The following KIAA1191 variants were observed in gnomAD, a reference collection of about 807,000 sequenced individuals.
KIAA1191 encodes KIAA1191, also known as putative monooxygenase p33MONOX.
KIAA1191 carries 22 observed loss-of-function variants against 31.1 expected under a neutral mutation model. That is an observed-to-expected ratio of 0.71 (90% CI 0.51 to 1.01). The LOEUF is 1.01. KIAA1191 is among the 50% of genes least tolerant of loss of function. The probability of loss-of-function intolerance (pLI) is 0.00; values close to 1 mark genes in which losing one functional copy is unlikely to be tolerated. For missense variants in KIAA1191, 319 were observed against 388.0 expected, an observed-to-expected ratio of 0.82 and a Z score of 1.49; for synonymous variants, 130 against 143.9, an observed-to-expected ratio of 0.90 and a Z score of 0.69.
At chr5:176,353,025 G>A (rs376826202) in intron 4 of KIAA1191, among the ~76,000 whole-genome samples, 29 of 152,290 alleles carry the variant, frequency 1.9e-4, no homozygotes, top group African/African-American at 5.8e-4. Flanking sequence ...ATGATCTTCC[G>A]ATATACTATA....
At chr5:176,357,434 TCAAA>T (rs1372357513) in intron 3 of KIAA1191, among the ~76,000 whole-genome samples, 3 of 152,216 alleles carry the variant, frequency 2.0e-5, no homozygotes, top group African/African-American at 4.8e-5. Context: ...GCATTACATC[TCAAA>T]CACACACACA....
In KIAA1191 at chr5:176,352,686, A is replaced by G. The variant is rs917258250; in HGVS notation, c.270T>C (p.Ser90=). ...CCTTCACCACTGGGACCTTGTCCAC[A>G]CTGTCAATGGCTGATGACAGGGTCA... ...PAMTLSSAID[S]VDKVPVVKAK... is the part of the protein sequence containing the mutation. The change falls in exon 5 of 9, where the codon AGT becomes AGC. Residue 90 remains serine (S), a synonymous_variant. Transcript: ENST00000298569. 3 of 1,613,954 alleles carry G rather than the reference A, an allele frequency of 1.9e-6. No homozygotes were observed. Among genetic ancestry groups the G allele is most frequent in the Non-Finnish European group, 2.5e-6 (3 of 1,179,940 alleles).
chr5:176,361,090 A>T lies in KIAA1191; in HGVS notation c.-168+512T>A, dbSNP rs1160144983. On this transcript the variant is annotated intron_variant, in intron 1 of 8. Coordinates refer to ENST00000298569, the MANE Select transcript of KIAA1191 (RefSeq NM_020444.5). This position sits in a 1 kb window ranked among gnomAD's most constrained non-coding sequence, Gnocchi z 4.0. ...AGCATCGCAAAGGCCGAATTCAGCC[A>T]TCCTCCCAGTCCAGGGAGCATTCCC... The T allele has an allele frequency of 1.3e-5, 2 of 152,346 alleles. No individual in the cohort carries two copies. The highest frequency in any genetic ancestry group is 4.8e-5 in the African/African-American group (2 of 41,442). The allele number at this position is 152,346 out of a possible 1,614,324, so 9.4% of individuals were successfully genotyped here.
chr5:176,352,168 C>A (rs870669), intron 5 of KIAA1191, among the ~76,000 whole-genome samples: 28,406 of 138,254 alleles, frequency 0.21, 2,725 homozygotes, highest in Middle Eastern at 0.3. Flanking sequence ...AAAAAAAAAA[C>A]AAAAAAAAAA....
Position 176,346,097 on chromosome 5 carries a change from G to A in KIAA1191, c.*1503C>T, listed in dbSNP as rs567212037. 16 of 152,114 alleles carry A rather than the reference G, an allele frequency of 1.1e-4. No homozygotes were observed. The highest frequency in any genetic ancestry group is 1.7e-4 in the African/African-American group (7 of 41,422). 9.4% of individuals were successfully genotyped at this position (152,114 alleles called of 1,614,324 possible). On this transcript the variant is annotated 3_prime_UTR_variant, in exon 9 of 9. Transcript: ENST00000298569. ...TAGTAAGGATTTTTATTGTCAAAAC[G>A]AGATCATAATAGAAGACACAAATAA...
chr5:176,360,642 A>C, intron 1 of KIAA1191, among the ~76,000 whole-genome samples: 1 of 151,602 alleles, frequency 6.6e-6, no homozygotes, highest in East Asian at 2.0e-4. Context: ...CTCTACTAAA[A>C]ATACAAAAAT....
rs1767824945 is a variant in KIAA1191, at chr5:176,359,698, T to G, written c.-60+113A>C. 1.2e-5 allele frequency: 7 copies of G among 574,142 alleles called. No individual in the cohort carries two copies. In the South Asian group the frequency reaches 1.4e-4, roughly 12 times the overall value. 35.6% of individuals were successfully genotyped at this position (574,142 alleles called of 1,614,324 possible). The stretch of plus-strand genomic sequence containing the variant: ...TGCAAGAGCCAGTGGGTGACAAACA[T>G]GCCAATGAAAAAAGAAGGATAAAGT... On this transcript the variant is annotated intron_variant, in intron 2 of 8. Transcript: ENST00000298569.
chr5:176,357,808 G>A (rs1426289686), intron 3 of KIAA1191, among the ~76,000 whole-genome samples: 1 of 152,096 alleles, frequency 6.6e-6, no homozygotes, highest in African/African-American at 2.4e-5. Flanking sequence ...GACTTGGGGA[G>A]CAATTTCAAA....
In KIAA1191 at chr5:176,350,666, T is replaced by TG; in HGVS notation, c.405dup (p.Lys136GlnfsTer50). ...TTGGTCTCCTCGGTGGTGAGGCCCT[T>TG]GTGGGGTGTGTAGCCAGCATCTCTC... On this transcript the variant is annotated frameshift_variant, in exon 6 of 9. Transcript: ENST00000298569. LOFTEE classifies it high-confidence loss of function. 1 of 1,614,074 alleles carries TG rather than the reference T, an allele frequency of 6.2e-7. No homozygotes were observed. The highest frequency in any genetic ancestry group is 8.5e-7 in the Non-Finnish European group (1 of 1,179,992).
intron 4 of KIAA1191, chr5:176,354,602 G>C (rs898286129): frequency 6.6e-6 from 1 of 152,638 alleles, no homozygotes; most frequent in East Asian, 1.9e-4. Context: ...AGTTCTTACA[G>C]AGGATGGCCA....
intron 3 of KIAA1191, chr5:176,357,116 C>T (rs1303127527): frequency 1.3e-5 from 2 of 152,132 alleles, no homozygotes; most frequent in African/African-American, 2.4e-5. Context: ...GCCTAGCCAA[C>T]ATGGTGAAAT....
At chr5:176,352,478 C>G (rs1561753811) in intron 5 of KIAA1191, 144 bp downstream of exon 5, 1 of 908,274 alleles carries the variant, frequency 1.1e-6, no homozygotes, top group South Asian at 1.6e-5. Flanking sequence ...AGCTTCAATA[C>G]TGACATGATT....
intron 4 of KIAA1191, among the ~76,000 whole-genome samples, chr5:176,353,770 C>T (rs1201006658): frequency 6.6e-6 from 1 of 152,356 alleles, no homozygotes; most frequent in Non-Finnish European, 1.5e-5. Flanking sequence ...CCGCTCATCC[C>T]TTGCCTTGTG....
intron 3 of KIAA1191, among the ~76,000 whole-genome samples, chr5:176,358,458 G>A (rs943241451): frequency 1.3e-5 from 2 of 152,242 alleles, no homozygotes; most frequent in Non-Finnish European, 2.9e-5. Context: ...GCTCACACCT[G>A]TAATCCCAGC....
chr5:176,350,849 T>C (rs1465093693), intron 5 of KIAA1191, 112 bp from the exon 6 acceptor site: 3 of 1,323,878 alleles, frequency 2.3e-6, no homozygotes, highest in South Asian at 1.4e-5. Flanking sequence ...ACACTGACCA[T>C]TCAAAGAAGA....
At chr5:176,356,433 G>A (rs1423690104) in intron 3 of KIAA1191, among the ~76,000 whole-genome samples, 1 of 152,222 alleles carries the variant, frequency 6.6e-6, no homozygotes, top group Non-Finnish European at 1.5e-5. Flanking sequence ...GCCAAGGTCT[G>A]TGAATCCTCT....
intron 6 of KIAA1191, among the ~76,000 whole-genome samples, chr5:176,348,570 T>C (rs1018546032): frequency 5.3e-5 from 8 of 149,738 alleles, no homozygotes; most frequent in Non-Finnish European, 8.9e-5. Context: ...CTACACTATA[T>C]CATGAACATC....
At chr5:176,359,350 C>T (rs55773647) in intron 3 of KIAA1191, 131 bp downstream of exon 3, 4 of 798,036 alleles carry the variant, frequency 5.0e-6, no homozygotes, top group Non-Finnish European at 8.3e-6. Flanking sequence ...ATAAGCCAAT[C>T]TAGTAAATCT....
intron 7 of KIAA1191, 85 bp downstream of exon 7, chr5:176,348,165 A>G (rs1422888206): frequency 6.3e-7 from 1 of 1,593,926 alleles, no homozygotes; most frequent in Non-Finnish European, 8.6e-7. Context: ...TCCCTCTGAA[A>G]CCACAGGCTT....
Sources: allele counts gnomAD v4.1 joint callset (sites outside exome capture counted in the v4.1 genomes callset), GRCh38; gene constraint gnomAD v4.1.1; non-coding constraint Gnocchi (gnomAD v3.1); transcripts MANE v1.5; gene names NCBI Gene and HGNC (gene_info 2026-07-23, HGNC 2026-07-21).